Variants in SFSWAP observed in about 807,000 individuals in gnomAD.
SFSWAP encodes splicing factor, suppressor of white-apricot homolog.
A neutral mutation model predicts 100.7 loss-of-function variants in SFSWAP; 17 were observed. That is an observed-to-expected ratio of 0.17 (90% CI 0.12 to 0.25). The LOEUF is 0.25. Among genes scored for constraint, SFSWAP ranks in the 10% least tolerant of loss-of-function variants. The pLI is 1.00. For missense variants in SFSWAP, 1,005 were observed against 1,262.6 expected, an observed-to-expected ratio of 0.80 and a Z score of 3.09; for synonymous variants, 504 against 510.1, an observed-to-expected ratio of 0.99 and a Z score of 0.16.
rs988872419 is a variant in SFSWAP at position 131,778,916 on chromosome 12, C to G, written c.2408+586C>G. Among the ~76,000 whole-genome samples the G allele has an allele frequency of 1.3e-5, 2 of 151,798 alleles. No homozygotes were observed. The highest frequency in any genetic ancestry group is 2.9e-5 in the Non-Finnish European group (2 of 67,932). ...CTGGAAGCAAGCCTACCACATTTGC[C>G]GATTGTGTGAAAGATTCACAGGGTG... On this transcript the variant is annotated intron_variant, in intron 14 of 17. Transcript: ENST00000261674. This position sits in a 1 kb window ranked among gnomAD's most constrained non-coding sequence, Gnocchi z 4.2.
Position 131,711,632 on chromosome 12 carries a change from C to G in SFSWAP, c.218+185C>G, listed in dbSNP as rs1353827493. 3 of 596,272 alleles carry G rather than the reference C, an allele frequency of 5.0e-6. No individual in the cohort carries two copies. Among genetic ancestry groups the G allele is most frequent in the East Asian group, 2.8e-5 (1 of 35,240 alleles). The allele number at this position is 596,272 out of a possible 1,614,324, so 36.9% of individuals were successfully genotyped here. ...GGGGAGGGGGACGGTGAAACCTGCC[C>G]TAAGGCACTGGCTGGAATTGCGTGC... On this transcript the variant is annotated intron_variant, in intron 1 of 17. Transcript: ENST00000261674. This position sits in a 1 kb window ranked among gnomAD's most constrained non-coding sequence, Gnocchi z 4.9.
chr12:131,762,656 G>A (rs548425372), intron 11 of SFSWAP, among the ~76,000 whole-genome samples: 6 of 152,148 alleles, frequency 3.9e-5, no homozygotes, highest in South Asian at 2.1e-4. Context: ...GTGCAGTGGC[G>A]TGATCTCAGC....
intron 7 of SFSWAP, among the ~76,000 whole-genome samples, chr12:131,750,849 C>CA: frequency 6.6e-6 from 1 of 152,014 alleles, no homozygotes; most frequent in East Asian, 1.9e-4. Flanking sequence ...GTACCATGCC[C>CA]AGCTAGTTTA....
At chr12:131,739,475 ATAT>A (rs1405471456) in intron 7 of SFSWAP, among the ~76,000 whole-genome samples, 2 of 150,866 alleles carry the variant, frequency 1.3e-5, no homozygotes, top group Admixed American at 6.6e-5. Flanking sequence ...AAGTATAGAA[ATAT>A]TATTTTTATA....
chr12:131,742,032 A>G (rs552911168), intron 7 of SFSWAP, among the ~76,000 whole-genome samples: 1 of 151,954 alleles, frequency 6.6e-6, no homozygotes, highest in African/African-American at 2.4e-5. Flanking sequence ...TTCCCTTCCA[A>G]CAGCCTTCTT....
chr12:131,764,796 G>C, intron 12 of SFSWAP, 110 bp downstream of exon 12: 1 of 739,874 alleles, frequency 1.4e-6, no homozygotes, highest in Non-Finnish European at 2.2e-6. Flanking sequence ...GAAGCCTTTG[G>C]AAATCGACCT....
chr12:131,715,681 A>G (rs74649879), intron 3 of SFSWAP, among the ~76,000 whole-genome samples: 1 of 152,216 alleles, frequency 6.6e-6, no homozygotes, highest in Non-Finnish European at 1.5e-5. Flanking sequence ...CACCTTAAAG[A>G]CGGGTCAGTA....
intron 7 of SFSWAP, 23 bp from the exon 8 acceptor site, chr12:131,753,100 T>C (rs771562682): frequency 3.7e-6 from 6 of 1,613,482 alleles, no homozygotes; most frequent in Admixed American, 3.3e-5. Context: ...CCATGCTCAC[T>C]CCGGGGCAAT....
Position 131,778,014 on chromosome 12 carries a change from T to G in SFSWAP, c.2143-51T>G. 5.7e-6 allele frequency: 9 copies of G among 1,569,954 alleles called. No individual in the cohort carries two copies. The highest frequency in any genetic ancestry group is 7.7e-6 in the Non-Finnish European group (9 of 1,164,396). The stretch of plus-strand genomic sequence containing the variant: ...AGTTGAAATTTTATAGATATACATC[T>G]TCAATGTTCTGTTTTCCCTGTTAAC... On this transcript the variant is annotated intron_variant, in intron 13 of 17. Coordinates refer to ENST00000261674, the MANE Select transcript of SFSWAP (RefSeq NM_004592.4). The surrounding 1 kb of genome is among the most constrained non-coding windows in gnomAD (Gnocchi z 4.2).
intron 7 of SFSWAP, among the ~76,000 whole-genome samples, chr12:131,740,489 G>T (rs1281586701): frequency 6.6e-6 from 1 of 152,150 alleles, no homozygotes; most frequent in Non-Finnish European, 1.5e-5. Flanking sequence ...TTCAGTCAGA[G>T]ATTCAGTTCT....
chr12:131,799,292 A>G, intron 17 of SFSWAP, 131 bp from the exon 18 acceptor site: 5 of 1,092,216 alleles, frequency 4.6e-6, no homozygotes, highest in Non-Finnish European at 7.0e-6. Context: ...CTGCACAGCC[A>G]GGCTCCTCCG....
At chr12:131,788,582 G>A (rs1885049331) in intron 15 of SFSWAP, among the ~76,000 whole-genome samples, 1 of 150,918 alleles carries the variant, frequency 6.6e-6, no homozygotes, top group Non-Finnish European at 1.5e-5. Flanking sequence ...CTGGAGTGCA[G>A]TGGCGTAATC....
chr12:131,759,553 A>G (rs1416480497), intron 11 of SFSWAP, among the ~76,000 whole-genome samples: 1 of 152,078 alleles, frequency 6.6e-6, no homozygotes, highest in East Asian at 1.9e-4. Context: ...TAATCCCAGC[A>G]CTTTGGGAGG....
At chr12:131,798,849 C>T (rs1465091634) in intron 16 of SFSWAP, among the ~76,000 whole-genome samples, 188 bp from the exon 17 acceptor site, 3 of 151,946 alleles carry the variant, frequency 2.0e-5, no homozygotes, top group Non-Finnish European at 2.9e-5. Flanking sequence ...GAGAACGTGC[C>T]ATTGCACTCC....
rs1476156135 is a variant in SFSWAP, at chr12:131,720,368, C to T, written c.606+829C>T. Among the ~76,000 whole-genome samples, 6 of 152,156 alleles carry T rather than the reference C, an allele frequency of 3.9e-5. No homozygotes were observed. The South Asian group carries it at 1.0e-3, about 26-fold the overall frequency. ...TTGGCTAATAAATAGCAACTGGGAA[C>T]GTTGGTCTTAACTATGATGCCATCT... On this transcript the variant is annotated intron_variant, in intron 4 of 17. Coordinates refer to ENST00000261674, the MANE Select transcript of SFSWAP (RefSeq NM_004592.4).
chr12:131,724,478 T>G (rs1878775068), intron 4 of SFSWAP, among the ~76,000 whole-genome samples: 3 of 152,242 alleles, frequency 2.0e-5, no homozygotes, highest in African/African-American at 7.2e-5. Flanking sequence ...GTTCAAAAAT[T>G]AAATTAGAGA....
At chr12:131,738,431 ATCT>A (rs1215615993) in intron 7 of SFSWAP, among the ~76,000 whole-genome samples, 6 of 152,276 alleles carry the variant, frequency 3.9e-5, no homozygotes, top group African/African-American at 1.4e-4. Context: ...CACAAAGATC[ATCT>A]TTATGCACGA....
At chr12:131,767,189 A>C (rs1478633744) in intron 13 of SFSWAP, among the ~76,000 whole-genome samples, 2 of 151,724 alleles carry the variant, frequency 1.3e-5, no homozygotes, top group Non-Finnish European at 2.9e-5. Context: ...TCCTGTGCCA[A>C]GGGGATTGCT....
At chr12:131,793,996 A>G (rs1566063256) in intron 15 of SFSWAP, among the ~76,000 whole-genome samples, 1 of 152,312 alleles carries the variant, frequency 6.6e-6, no homozygotes, top group African/African-American at 2.4e-5. Context: ...TTAAGTACAC[A>G]CCTACTCCCT....
Sources: gnomAD v4.1 joint callset for allele counts (sites outside exome capture counted in the v4.1 genomes callset) on GRCh38, gnomAD v4.1.1 for gene constraint, Gnocchi (gnomAD v3.1) non-coding constraint, MANE v1.5 for transcripts, NCBI Gene and HGNC (gene_info 2026-07-23, HGNC 2026-07-21) for gene names.